The following DPP6 variants were observed in gnomAD, a reference collection of about 807,000 sequenced individuals.
DPP6 encodes dipeptidyl peptidase like 6, also known as A-type potassium channel modulatory protein DPP6.
DPP6 carries 69 observed loss-of-function variants against 122.6 expected under a neutral mutation model. The ratio of observed to expected loss-of-function variants is 0.56; its 90% confidence interval spans 0.46 to 0.69. The LOEUF is 0.69. DPP6 is among the 30% of genes least tolerant of loss of function. The pLI, the probability that DPP6 is intolerant of heterozygous loss-of-function variation, is 0.00. For missense variants in DPP6, 928 were observed against 1,116.9 expected, an observed-to-expected ratio of 0.83 and a Z score of 2.41; for synonymous variants, 418 against 433.1, an observed-to-expected ratio of 0.97 and a Z score of 0.43.
intron 1 of DPP6, among the ~76,000 whole-genome samples, chr7:154,157,305 G>A (rs1194939274): frequency 2.0e-5 from 3 of 152,196 alleles, no homozygotes; most frequent in East Asian, 1.9e-4. Flanking sequence ...GAGGAAACTC[G>A]AAAGTATGGA....
At chr7:154,750,158 C>T (rs963806129) in intron 8 of DPP6, among the ~76,000 whole-genome samples, 1 of 152,204 alleles carries the variant, frequency 6.6e-6, no homozygotes, top group Non-Finnish European at 1.5e-5. Context: ...GTCAAAAACA[C>T]GGATGGCCGC....
intron 1 of DPP6, among the ~76,000 whole-genome samples, chr7:154,083,282 C>A (rs905829251): frequency 6.6e-6 from 1 of 152,086 alleles, no homozygotes; most frequent in South Asian, 2.1e-4. Context: ...GCCCTCCTTG[C>A]AGAAGCCCAT....
rs185449606 is a variant in DPP6 at position 154,143,265 on chromosome 7, C to T, written c.243+90202C>T. Among the ~76,000 whole-genome samples, 435 of 152,208 alleles carry T rather than the reference C, an allele frequency of 2.9e-3. 1 individual carries two copies. Among genetic ancestry groups the T allele is most frequent in the African/African-American group, 9.8e-3 (406 of 41,534 alleles). On this transcript the variant is annotated intron_variant, in intron 1 of 25. Coordinates refer to ENST00000377770, the MANE Select transcript of DPP6 (RefSeq NM_130797.4). ...GATTGCCAGATAAGTCTTTTCTGAC[C>T]GTTCCCAATCCTGAAAGTTCTAACA...
chr7:153,867,006 G>A, the DPP6 span, among the ~76,000 whole-genome samples: 5 of 152,016 alleles, frequency 3.3e-5, no homozygotes, highest in Admixed American at 1.3e-4. Flanking sequence ...TCCATTGGTC[G>A]ATATCTCTGT....
intron 1 of DPP6, among the ~76,000 whole-genome samples, chr7:153,898,512 C>A (rs1799505460): frequency 1.3e-5 from 2 of 152,104 alleles, no homozygotes; most frequent in African/African-American, 4.8e-5. Context: ...AAAAAATGAT[C>A]ACTGTTTGAG....
intron 1 of DPP6, among the ~76,000 whole-genome samples, chr7:154,343,686 T>A (rs1391511529): frequency 6.6e-6 from 1 of 152,252 alleles, no homozygotes; most frequent in Non-Finnish European, 1.5e-5. Flanking sequence ...GTTCAGGCGA[T>A]TCTCCGGCCT....
intron 1 of DPP6, among the ~76,000 whole-genome samples, chr7:153,904,546 A>C (rs1799769456): frequency 6.6e-6 from 1 of 152,142 alleles, no homozygotes; most frequent in African/African-American, 2.4e-5. Context: ...GAGCACTTTG[A>C]ATCTCACTTA....
Position 154,474,958 on chromosome 7 carries a change from T to A in DPP6, c.378T>A (p.Ser126=). The change falls in exon 3 of 26, where the codon TCT becomes TCA. Residue 126 remains serine, a synonymous_variant. Transcript: ENST00000377770. ...TTCTAGCGGAAGATAATAGTCTGTC[T>A]CAAAAGAAGAAGGTCACTGTAGAAG... ...LLTPAEDNSL[S]QKKKVTVEDL... The A allele has an allele frequency of 6.2e-7, 1 of 1,613,662 alleles. No homozygotes were observed. Among genetic ancestry groups the A allele is most frequent in the South Asian group, 1.1e-5 (1 of 91,064 alleles).
At chr7:154,441,642 G>A (rs62475115) in intron 1 of DPP6, among the ~76,000 whole-genome samples, 4,129 of 152,308 alleles carry the variant, frequency 0.027, 81 homozygotes, top group Non-Finnish European at 0.04. Context: ...ACAGAGAGGA[G>A]AGAACAGGGA....
chr7:153,985,789 G>A (rs1204247112), intron 1 of DPP6, among the ~76,000 whole-genome samples: 1 of 152,142 alleles, frequency 6.6e-6, no homozygotes, highest in Non-Finnish European at 1.5e-5. Context: ...AATTTGGGAT[G>A]GATGGAGAAA....
At chr7:153,975,554 A>AC (rs921086599) in intron 1 of DPP6, among the ~76,000 whole-genome samples, 37 of 148,424 alleles carry the variant, frequency 2.5e-4, no homozygotes, top group Non-Finnish European at 3.7e-4. Flanking sequence ...TTCTAAAAAA[A>AC]AAAAAGAAAA....
chr7:153,986,238 A>G (rs1482000773), intron 1 of DPP6, among the ~76,000 whole-genome samples: 1 of 152,202 alleles, frequency 6.6e-6, no homozygotes, highest in Non-Finnish European at 1.5e-5. Flanking sequence ...ATGTAAAAAA[A>G]TTGCTTTTTA....
At chr7:153,933,338 T>G (rs1184593985) in intron 1 of DPP6, among the ~76,000 whole-genome samples, 1 of 152,172 alleles carries the variant, frequency 6.6e-6, no homozygotes, top group Non-Finnish European at 1.5e-5. Flanking sequence ...CTGGCTAAAA[T>G]AGGGAAACAT....
chr7:154,781,658 G>T (rs752268933), intron 10 of DPP6, among the ~76,000 whole-genome samples: 1 of 151,610 alleles, frequency 6.6e-6, no homozygotes, highest in South Asian at 2.1e-4. Context: ...GTTTCAGTTT[G>T]CTCAGCGGTG....
intron 1 of DPP6, among the ~76,000 whole-genome samples, chr7:153,888,396 G>A (rs1320871815): frequency 2.0e-5 from 3 of 152,214 alleles, no homozygotes; most frequent in South Asian, 4.1e-4. Context: ...CGGGCAGCTG[G>A]CCAGGGGACA....
At chr7:154,504,642 A>G (rs1030618765) in intron 3 of DPP6, among the ~76,000 whole-genome samples, 1 of 152,182 alleles carries the variant, frequency 6.6e-6, no homozygotes, top group Admixed American at 6.5e-5. Context: ...ATTACAACCC[A>G]AAAGCTCAAT....
chr7:154,017,709 A>T (rs61504085), intron 1 of DPP6, among the ~76,000 whole-genome samples: 3,687 of 123,206 alleles, frequency 0.03, 141 homozygotes, highest in African/African-American at 0.13. Flanking sequence ...TAAAAAAAAT[A>T]AAAAAAAAAT....
chr7:153,898,908 A>G (rs1799522690), intron 1 of DPP6, among the ~76,000 whole-genome samples: 1 of 152,162 alleles, frequency 6.6e-6, no homozygotes, highest in African/African-American at 2.4e-5. Flanking sequence ...TTTTATTCAG[A>G]TATCTTTCAC....
chr7:154,089,204 C>G (rs1804638638), intron 1 of DPP6, among the ~76,000 whole-genome samples: 1 of 151,930 alleles, frequency 6.6e-6, no homozygotes, highest in Non-Finnish European at 1.5e-5. Context: ...TAGCTCAATG[C>G]AAGTCCAACA....
Sources: allele counts gnomAD v4.1 joint callset (sites outside exome capture counted in the v4.1 genomes callset), GRCh38; gene constraint gnomAD v4.1.1; transcripts MANE v1.5; gene names NCBI Gene and HGNC (gene_info 2026-07-23, HGNC 2026-07-21).